Variants in HNMT observed in about 807,000 individuals in gnomAD.
HNMT encodes the protein histamine N-methyltransferase.
A neutral mutation model predicts 32.1 loss-of-function variants in HNMT; 30 were observed. The ratio of observed to expected loss-of-function variants is 0.93; its 90% CI spans 0.70 to 1.27. The LOEUF is 1.27. HNMT is among the 50% of genes most tolerant of loss of function. The probability of loss-of-function intolerance (pLI) is 0.00; values close to 1 mark genes in which losing one functional copy is unlikely to be tolerated. For synonymous variants in HNMT, 125 were observed against 119.0 expected (o/e 1.05, Z -0.33); for missense variants, 327 against 346.0 (o/e 0.95, Z 0.43).
chr2:137,984,774 A>G (rs1288864745), intron 2 of HNMT, among the ~76,000 whole-genome samples: 1 of 152,198 alleles, frequency 6.6e-6, no homozygotes. Context: ...TTAAACTTAA[A>G]AAAATCATAA....
intron 2 of HNMT, among the ~76,000 whole-genome samples, chr2:137,983,266 G>GCC (rs1334890056): frequency 6.6e-6 from 1 of 152,068 alleles, no homozygotes; most frequent in African/African-American, 2.4e-5. Context: ...CTTGGACTCA[G>GCC]CCTCCCCTGT....
At chr2:137,965,945 A>AAAGACTGAAGAATTTTTAAGGGC (rs1679945305) in intron 1 of HNMT, among the ~76,000 whole-genome samples, 1 of 152,214 alleles carries the variant, frequency 6.6e-6, no homozygotes, top group Admixed American at 6.5e-5. Flanking sequence ...AAAATCTGTG[A>AAAGACTGAAGAATTTTTAAGGGC]AAGACTGAAG....
At chr2:137,967,246 A>C in intron 1 of HNMT, 1 of 637,384 alleles carries the variant, frequency 1.6e-6, no homozygotes, top group Non-Finnish European at 2.8e-6. Flanking sequence ...TCCCATCTCT[A>C]CAAAAAAGTG....
rs777436417 is a variant in HNMT at position 137,964,643 on chromosome 2, G to T, written c.137+15G>T. On this transcript the variant is annotated intron_variant, in intron 1 of 5. Coordinates refer to ENST00000280097, the MANE Select transcript of HNMT (RefSeq NM_006895.3). ...ATAATAGGAAGGTAACAAAAGGGAC[G>T]TTGTTGTCAAAGGGACAAGCCTCAG... is the stretch of plus-strand genomic sequence containing the variant. The T allele has an allele frequency of 5.0e-6, 8 of 1,613,186 alleles. No homozygotes were observed. The Admixed American group carries it at 1.3e-4, about 27-fold the overall frequency.
At chr2:138,008,085 C>T (rs1305883172) in intron 5 of HNMT, among the ~76,000 whole-genome samples, 1 of 151,814 alleles carries the variant, frequency 6.6e-6, no homozygotes, top group Non-Finnish European at 1.5e-5. Context: ...ATTTCATCAC[C>T]CAGGTATTAA....
intron 2 of HNMT, among the ~76,000 whole-genome samples, chr2:137,997,753 G>A (rs143487482): frequency 8.9e-4 from 135 of 152,306 alleles, no homozygotes; most frequent in Non-Finnish European, 1.5e-3. Context: ...ATTTACAATA[G>A]CAAAGTCATG....
At chr2:137,976,212 G>A (rs908823690) in intron 2 of HNMT, among the ~76,000 whole-genome samples, 1 of 148,996 alleles carries the variant, frequency 6.7e-6, no homozygotes, top group Non-Finnish European at 1.5e-5. Context: ...GTTGCAGTGA[G>A]CCGAGATCGG....
chr2:137,965,783 G>C (rs969727695), intron 1 of HNMT, among the ~76,000 whole-genome samples: 10 of 152,222 alleles, frequency 6.6e-5, no homozygotes, highest in African/African-American at 2.4e-4. Flanking sequence ...AGTACTAAAA[G>C]TATTTGCTCA....
At chr2:138,004,593 G>T (rs1681277557) in intron 4 of HNMT, among the ~76,000 whole-genome samples, 1 of 152,038 alleles carries the variant, frequency 6.6e-6, no homozygotes, top group Non-Finnish European at 1.5e-5. Context: ...TGACCAAGCA[G>T]ATAACCTCAT....
At chr2:137,995,209 A>G (rs1680953413) in intron 2 of HNMT, among the ~76,000 whole-genome samples, 1 of 152,018 alleles carries the variant, frequency 6.6e-6, no homozygotes, top group Non-Finnish European at 1.5e-5. Flanking sequence ...ACCCTCCAAA[A>G]AAAAAATCAA....
intron 1 of HNMT, among the ~76,000 whole-genome samples, chr2:137,968,592 C>G (rs1680029467): frequency 6.6e-6 from 1 of 152,156 alleles, no homozygotes; most frequent in Admixed American, 6.5e-5. Flanking sequence ...ATAACAGTAA[C>G]CTGGGATTTC....
chr2:138,003,108 T>G (rs1681230898), intron 4 of HNMT, among the ~76,000 whole-genome samples: 3 of 124,834 alleles, frequency 2.4e-5, no homozygotes, highest in Admixed American at 1.6e-4. Flanking sequence ...GGGGGAGGGA[T>G]AGCATCGGGA....
chr2:137,980,162 A>G lies in HNMT; in HGVS notation c.190+9945A>G, dbSNP rs191133883. On this transcript the variant is annotated intron_variant, in intron 2 of 5. Transcript: ENST00000280097. ...GCCATTCTCCTGCCTCGCCCTCCCC[A>G]GTAGCTGGGACTACAGGCGTCAGCC... is the stretch of plus-strand genomic sequence containing the variant. Among the ~76,000 whole-genome samples, 6 of 150,896 alleles carry G rather than the reference A, an allele frequency of 4.0e-5. No individual in the cohort carries two copies. In the East Asian group the frequency reaches 1.2e-3, roughly 30 times the overall value.
In HNMT at chr2:138,010,768, T is replaced by C. The variant is rs141505805; in HGVS notation, c.524-3007T>C. On this transcript the variant is annotated intron_variant, in intron 5 of 5. Transcript: ENST00000280097. ...TGATTTGGGGATAAAAAAGAAGAGA[T>C]ATAAGAACAAGAGAGTTGGATTTCT... Among the ~76,000 whole-genome samples, 470 of 152,104 alleles carry C rather than the reference T, an allele frequency of 3.1e-3. 3 individuals carry two copies. Among genetic ancestry groups the C allele is most frequent in the African/African-American group, 0.011 (454 of 41,510 alleles).
intron 2 of HNMT, among the ~76,000 whole-genome samples, chr2:137,976,970 G>C (rs1680306205): frequency 6.6e-6 from 1 of 152,072 alleles, no homozygotes; most frequent in African/African-American, 2.4e-5. Flanking sequence ...AGATTGTTTT[G>C]GCTAATTCAA....
At chr2:137,981,219 G>A (rs1417207666) in intron 2 of HNMT, 2 of 1,613,450 alleles carry the variant, frequency 1.2e-6, no homozygotes, top group South Asian at 1.1e-5. Context: ...CCTGCAGATT[G>A]TCTCATTCGG....
At chr2:137,989,005 A>T (rs1368480103) in intron 2 of HNMT, among the ~76,000 whole-genome samples, 3 of 152,238 alleles carry the variant, frequency 2.0e-5, no homozygotes, top group African/African-American at 7.2e-5. Context: ...GCTCTCAAGC[A>T]TGCATTGTCT....
chr2:138,001,170 G>A, intron 3 of HNMT, 145 bp downstream of exon 3: 1 of 498,928 alleles, frequency 2.0e-6, no homozygotes, highest in Non-Finnish European at 3.6e-6. Context: ...TTCTTGGCAG[G>A]CATGACTAAA....
At chr2:137,981,194 C>G (rs762758486) in intron 2 of HNMT, 1 of 1,610,360 alleles carries the variant, frequency 6.2e-7, no homozygotes. Flanking sequence ...AGTCTTTAAT[C>G]CCCTATTTTC....
Sources: allele counts gnomAD v4.1 joint callset (sites outside exome capture counted in the v4.1 genomes callset), GRCh38; gene constraint gnomAD v4.1.1; transcripts MANE v1.5; gene names NCBI Gene and HGNC (gene_info 2026-07-23, HGNC 2026-07-21).